The following ANGPT1 variants were observed in gnomAD, a reference collection of about 807,000 sequenced individuals.
ANGPT1 encodes angiopoietin-1.
ANGPT1 carries 17 observed loss-of-function variants against 62.2 expected under a neutral mutation model. That is an observed-to-expected ratio of 0.27 (90% CI 0.19 to 0.41). ANGPT1 has a LOEUF of 0.41. ANGPT1 is among the 10% of genes least tolerant of loss of function. The pLI is 1.00. For synonymous variants in ANGPT1, 199 were observed against 198.9 expected, an observed-to-expected ratio of 1.00 and a Z score of 0.00; for missense variants, 478 against 594.9, an observed-to-expected ratio of 0.80 and a Z score of 2.04.
At chr8:107,298,862 CATT>C (rs1442885810) in intron 5 of ANGPT1, among the ~76,000 whole-genome samples, 1 of 151,798 alleles carries the variant, frequency 6.6e-6, no homozygotes, top group African/African-American at 2.4e-5. Flanking sequence ...CTTCTGGAAA[CATT>C]ATAATGAGCA....
At chr8:107,445,190 C>T (rs1464801647) in intron 1 of ANGPT1, among the ~76,000 whole-genome samples, 2 of 152,306 alleles carry the variant, frequency 1.3e-5, no homozygotes, top group Admixed American at 6.5e-5. Context: ...CTTCGGGAAA[C>T]ATTTTACTGT....
chr8:107,293,197 GTGA>G (rs5893837), intron 6 of ANGPT1, among the ~76,000 whole-genome samples: 64,744 of 148,532 alleles, frequency 0.44, 14,930 homozygotes, highest in African/African-American at 0.59. Flanking sequence ...GAGAAGAACT[GTGA>G]TGATGATGAT....
At chr8:107,275,206 C>T (rs1023004501) in intron 7 of ANGPT1, among the ~76,000 whole-genome samples, 6 of 151,970 alleles carry the variant, frequency 3.9e-5, no homozygotes, top group African/African-American at 9.7e-5. Flanking sequence ...GAGAAAAGGC[C>T]GTATCAGAGC....
rs772429731 is a variant in ANGPT1, at chr8:107,293,904, A to C, written c.1038+32T>G. On this transcript the variant is annotated intron_variant, in intron 6 of 8. Transcript: ENST00000517746. ...GGAGAAGATAACTTCAAGATAAAACACCAAAAAGCACCATAAATTCTTGCA... is the reference window on the plus strand; with the variant it reads ...GGAGAAGATAACTTCAAGATAAAACCCCAAAAAGCACCATAAATTCTTGCA... 7 of 1,560,486 alleles carry C rather than the reference A, an allele frequency of 4.5e-6. No individual in the cohort carries two copies. In the South Asian group the frequency reaches 5.7e-5, roughly 13 times the overall value.
chr8:107,469,170 T>C (rs144697403), intron 1 of ANGPT1, among the ~76,000 whole-genome samples: 17 of 152,168 alleles, frequency 1.1e-4, no homozygotes, highest in Admixed American at 3.9e-4. Flanking sequence ...CAAGGACCAG[T>C]CTCTAGTATC....
intron 5 of ANGPT1, among the ~76,000 whole-genome samples, chr8:107,297,567 A>T (rs1376062166): frequency 1.4e-5 from 2 of 144,664 alleles, no homozygotes; most frequent in African/African-American, 2.5e-5. Flanking sequence ...AATTTAATAT[A>T]CTATAGTTAT....
intron 1 of ANGPT1, among the ~76,000 whole-genome samples, chr8:107,442,771 A>G (rs979258840): frequency 2.6e-5 from 4 of 152,196 alleles, no homozygotes; most frequent in Non-Finnish European, 5.9e-5. Flanking sequence ...ATCTTACAGT[A>G]TAGAAGTATT....
intron 1 of ANGPT1, among the ~76,000 whole-genome samples, chr8:107,416,781 C>A (rs141873254): frequency 1.4e-5 from 2 of 147,862 alleles, no homozygotes; most frequent in African/African-American, 5.0e-5. Context: ...GACCTACAGA[C>A]AAGGTGGGTC....
At chr8:107,379,776 G>A (rs1816599090) in intron 1 of ANGPT1, among the ~76,000 whole-genome samples, 1 of 152,124 alleles carries the variant, frequency 6.6e-6, no homozygotes, top group African/African-American at 2.4e-5. Flanking sequence ...CTGAAGTATG[G>A]CAAGAGGGAA....
intron 1 of ANGPT1, among the ~76,000 whole-genome samples, chr8:107,371,622 G>A (rs1816415846): frequency 6.9e-6 from 1 of 144,810 alleles, no homozygotes; most frequent in African/African-American, 2.6e-5. Context: ...TGTTGCCCAG[G>A]CTGGAGTACA....
chr8:107,472,214 A>G (rs1396910282), intron 1 of ANGPT1, among the ~76,000 whole-genome samples: 1 of 152,028 alleles, frequency 6.6e-6, no homozygotes, highest in East Asian at 1.9e-4. Flanking sequence ...TACTATCAAC[A>G]TGACTTATCT....
At position 107,497,826 on chromosome 8, in the gene ANGPT1, C is replaced by T. The variant is rs1427079512; in HGVS notation, c.-268G>A. 1.8e-6 allele frequency: 1 copy of T among 563,458 alleles called. No homozygotes were observed. The highest frequency in any genetic ancestry group is 3.1e-6 in the Non-Finnish European group (1 of 322,208). The allele number at this position is 563,458 out of a possible 1,614,324, so 34.9% of individuals were successfully genotyped here. ...TAGTAGCTGAGATTTATTGTTTCCTCTCTGTGTGACCGTTCAGCATGGAGC... is the reference window on the plus strand; with the variant it reads ...TAGTAGCTGAGATTTATTGTTTCCTTTCTGTGTGACCGTTCAGCATGGAGC... On this transcript the variant is annotated 5_prime_UTR_variant, in exon 1 of 9. Transcript: ENST00000517746.
At chr8:107,336,403 C>G (rs1815562240) in intron 2 of ANGPT1, 132 bp from the exon 3 acceptor site, 1 of 1,322,936 alleles carries the variant, frequency 7.6e-7, no homozygotes, top group African/African-American at 1.5e-5. Flanking sequence ...CAGTGGCTCA[C>G]GCCTGTAATC....
chr8:107,465,175 C>G lies in ANGPT1; in HGVS notation c.297+32087G>C, dbSNP rs548466127. Among the ~76,000 whole-genome samples, 8 of 152,002 alleles carry G rather than the reference C, an allele frequency of 5.3e-5. No homozygotes were observed. In the South Asian group the frequency reaches 1.7e-3, roughly 32 times the overall value. ...TACAGAAGTAAGAATTCAGAATGCT[C>G]TAAGAAGCATCAAATATATTCAGAA... On this transcript the variant is annotated intron_variant, in intron 1 of 8. Coordinates refer to ENST00000517746, the MANE Select transcript of ANGPT1 (RefSeq NM_001146.5).
chr8:107,286,686 T>C (rs1814149514), intron 6 of ANGPT1, among the ~76,000 whole-genome samples: 3 of 152,178 alleles, frequency 2.0e-5, no homozygotes, highest in Admixed American at 2.0e-4. Flanking sequence ...CCAGATTGCA[T>C]TGAGTATATA....
At chr8:107,409,845 G>A (rs1320378577) in intron 1 of ANGPT1, among the ~76,000 whole-genome samples, 2 of 151,768 alleles carry the variant, frequency 1.3e-5, no homozygotes, top group African/African-American at 4.8e-5. Flanking sequence ...CTAGACAGTG[G>A]GCCTCATGAA....
Position 107,474,537 on chromosome 8 carries a change from A to C in ANGPT1, c.297+22725T>G, listed in dbSNP as rs199668456. Reference sequence around the variant, plus strand: ...TGAAAACTGGCACAAGACAGGGATGACCTCTCTCACCACTCCTATCCAACA... The same window carrying C: ...TGAAAACTGGCACAAGACAGGGATGCCCTCTCTCACCACTCCTATCCAACA... On this transcript the variant is annotated intron_variant, in intron 1 of 8. Transcript: ENST00000517746. 1.3e-4 allele frequency among the ~76,000 whole-genome samples: 20 copies of C among 152,184 alleles called. No individual in the cohort carries two copies. In the South Asian group the frequency reaches 1.5e-3, roughly 11 times the overall value.
intron 1 of ANGPT1, among the ~76,000 whole-genome samples, chr8:107,439,953 T>C (rs564479746): frequency 1.4e-4 from 21 of 152,202 alleles, no homozygotes; most frequent in Non-Finnish European, 5.9e-5. Flanking sequence ...GTAATTGGAA[T>C]GGGGAGGGGA....
At chr8:107,348,937 A>G (rs1329159701) in intron 1 of ANGPT1, among the ~76,000 whole-genome samples, 4 of 152,186 alleles carry the variant, frequency 2.6e-5, no homozygotes, top group African/African-American at 9.6e-5. Flanking sequence ...GAAAGACATC[A>G]CAAGCAAGGC....
Sources: allele counts gnomAD v4.1 joint callset (sites outside exome capture counted in the v4.1 genomes callset), GRCh38; gene constraint gnomAD v4.1.1; transcripts MANE v1.5; gene names NCBI Gene and HGNC (gene_info 2026-07-23, HGNC 2026-07-21).